The following MUSK variants were observed in gnomAD, a reference collection of about 807,000 sequenced individuals.
MUSK encodes muscle, skeletal receptor tyrosine-protein kinase.
A neutral mutation model predicts 88.7 loss-of-function variants in MUSK; 55 were observed. That is an observed-to-expected ratio of 0.62 (90% CI 0.50 to 0.78). The LOEUF (loss-of-function observed/expected upper bound fraction) is 0.78. Ranked by LOEUF, MUSK falls within the 30% of genes least tolerant of loss-of-function variation. The pLI, the probability that MUSK is intolerant of heterozygous loss-of-function variation, is 0.00. For synonymous variants in MUSK, 387 were observed against 391.9 expected, an observed-to-expected ratio of 0.99 and a Z score of 0.15; for missense variants, 1,015 against 1,074.3, an observed-to-expected ratio of 0.94 and a Z score of 0.77.
intron 3 of MUSK, among the ~76,000 whole-genome samples, chr9:110,689,870 A>ATG (rs2076288416): frequency 1.1e-5 from 1 of 88,356 alleles, no homozygotes; most frequent in Non-Finnish European, 2.0e-5. Flanking sequence ...ATATTTAAAT[A>ATG]TAAATATATA....
intron 8 of MUSK, among the ~76,000 whole-genome samples, chr9:110,766,458 T>A (rs558681398): frequency 9.9e-5 from 15 of 152,194 alleles, no homozygotes; most frequent in Non-Finnish European, 1.9e-4. Context: ...ACAGTAAAAC[T>A]CATGTTGGCT....
rs561525761 is a variant in MUSK, at chr9:110,697,431, C to T, written c.593C>T (p.Thr198Ile). 3.7e-6 allele frequency: 6 copies of T among 1,609,676 alleles called. No homozygotes were observed. The Admixed American group carries it at 6.7e-5, about 18-fold the overall frequency. ...TGTGTGGCAAAAAACAGCCTCGGGA[C>T]AGCATATTCCAAAGTGGTGAAGCTG... ...YRCVAKNSLGTAYSKVVKLEV... is the reference protein window; with the variant it reads ...YRCVAKNSLGIAYSKVVKLEV... The change falls in exon 5 of 15, where the codon ACA becomes ATA. Residue 198 changes from threonine (T) to isoleucine (I), a missense_variant. Thr to Ile is a moderately conservative substitution (Grantham distance 89). Coordinates refer to ENST00000374448, the MANE Select transcript of MUSK (RefSeq NM_005592.4).
intron 11 of MUSK, among the ~76,000 whole-genome samples, chr9:110,779,518 A>G (rs966532718): frequency 6.6e-6 from 1 of 152,138 alleles, no homozygotes; most frequent in Non-Finnish European, 1.5e-5. Context: ...ACTGACTTCC[A>G]AAATCCTCAC....
intron 11 of MUSK, among the ~76,000 whole-genome samples, chr9:110,781,879 CTCAGA>C: frequency 6.6e-6 from 1 of 152,178 alleles, no homozygotes; most frequent in Non-Finnish European, 1.5e-5. Flanking sequence ...GACACAAAGA[CTCAGA>C]TCATCATAAC....
intron 7 of MUSK, among the ~76,000 whole-genome samples, chr9:110,761,705 A>G (rs2077403671): frequency 6.7e-6 from 1 of 149,484 alleles, no homozygotes; most frequent in Admixed American, 6.8e-5. Flanking sequence ...CCTCCCACGT[A>G]GCGGGATTAC....
intron 1 of MUSK, among the ~76,000 whole-genome samples, chr9:110,677,113 C>T (rs1162901208): frequency 1.3e-5 from 2 of 152,306 alleles, no homozygotes; most frequent in South Asian, 2.1e-4. Context: ...CCTCAATTAT[C>T]TCCTGTCTTT....
intron 9 of MUSK, among the ~76,000 whole-genome samples, chr9:110,772,283 T>G (rs1195383324): frequency 2.0e-5 from 3 of 151,716 alleles, no homozygotes; most frequent in African/African-American, 7.2e-5. Flanking sequence ...ACAGATGTTC[T>G]TTCTAATCTT....
intron 5 of MUSK, among the ~76,000 whole-genome samples, chr9:110,727,975 G>A (rs1564248744): frequency 6.6e-6 from 1 of 152,044 alleles, no homozygotes; most frequent in Non-Finnish European, 1.5e-5. Context: ...TAAACATTTT[G>A]GAACAATTAA....
Position 110,802,895 on chromosome 9 carries a change from T to C in MUSK, c.*1907T>C, listed in dbSNP as rs978078547. 3.9e-5 allele frequency among the ~76,000 whole-genome samples: 6 copies of C among 152,088 alleles called. No homozygotes were observed. In the South Asian group the frequency reaches 1.2e-3, roughly 32 times the overall value. ...AAGTGCTTCAGATAAAAATCATGAG[T>C]CTAAGTCCAAAATTGATACTGTAAT... is the stretch of plus-strand genomic sequence containing the variant. On this transcript the variant is annotated 3_prime_UTR_variant, in exon 15 of 15. Transcript: ENST00000374448.
intron 5 of MUSK, among the ~76,000 whole-genome samples, chr9:110,698,825 A>G (rs1475617906): frequency 6.6e-6 from 1 of 152,170 alleles, no homozygotes; most frequent in Non-Finnish European, 1.5e-5. Context: ...AGTTGATATG[A>G]TTTATTCAGT....
At chr9:110,729,764 G>A (rs955351069) in intron 5 of MUSK, among the ~76,000 whole-genome samples, 6 of 151,890 alleles carry the variant, frequency 4.0e-5, no homozygotes, top group Non-Finnish European at 8.8e-5. Context: ...TGAAATAACT[G>A]CTCAGAAATA....
chr9:110,749,577 T>C (rs1297732155), intron 7 of MUSK, among the ~76,000 whole-genome samples: 1 of 152,208 alleles, frequency 6.6e-6, no homozygotes, highest in Non-Finnish European at 1.5e-5. Flanking sequence ...TTTAATGATT[T>C]AGAAGAAATA....
chr9:110,688,943 C>T (rs1471056146), intron 3 of MUSK, among the ~76,000 whole-genome samples: 1 of 143,294 alleles, frequency 7.0e-6, no homozygotes, highest in African/African-American at 2.5e-5. Context: ...TATATGTAAA[C>T]ATATATTTAA....
chr9:110,733,696 T>G (rs1366735281), intron 5 of MUSK, among the ~76,000 whole-genome samples: 1 of 152,096 alleles, frequency 6.6e-6, no homozygotes, highest in East Asian at 1.9e-4. Context: ...TACTATCCTG[T>G]GCTTGCTCTG....
rs1469711288 is a variant in MUSK at position 110,775,823 on chromosome 9, C to T, written c.1220C>T (p.Ala407Val). 2.2e-5 allele frequency: 35 copies of T among 1,613,704 alleles called. No individual in the cohort carries two copies. The highest frequency in any genetic ancestry group is 3.0e-5 in the Non-Finnish European group (35 of 1,179,806). Reference sequence around the variant, plus strand: ...TTGGCAGTAAAGGAGCTCTTCTGCGCAAAAGAATGGCTGGTAATGGAAGAG... The same window carrying T: ...TTGGCAGTAAAGGAGCTCTTCTGCGTAAAAGAATGGCTGGTAATGGAAGAG... ...YCLAVKELFC[A>V]KEWLVMEEKT... Residue 407 changes from alanine to valine, a missense_variant, in exon 10 of 15, where the codon GCA (alanine) becomes GTA (valine). By Grantham distance (64) the Ala-to-Val change is moderately conservative. Coordinates refer to ENST00000374448, the MANE Select transcript of MUSK (RefSeq NM_005592.4).
intron 6 of MUSK, 88 bp downstream of exon 6, chr9:110,734,463 T>C: frequency 6.5e-7 from 1 of 1,544,704 alleles, no homozygotes; most frequent in Non-Finnish European, 8.9e-7. Context: ...GTTACCCAGA[T>C]CTCTGTCATT....
intron 7 of MUSK, among the ~76,000 whole-genome samples, chr9:110,752,266 C>G (rs2077257819): frequency 6.6e-6 from 1 of 152,186 alleles, no homozygotes; most frequent in African/African-American, 2.4e-5. Context: ...GAGGAAACTA[C>G]CTCCCAACAC....
chr9:110,753,081 G>A (rs1343242127), intron 7 of MUSK, among the ~76,000 whole-genome samples: 2 of 152,122 alleles, frequency 1.3e-5, no homozygotes, highest in African/African-American at 4.8e-5. Flanking sequence ...GATACCAATA[G>A]TGAGCATAGT....
chr9:110,726,470 G>A (rs892916864), intron 5 of MUSK, among the ~76,000 whole-genome samples: 1 of 152,074 alleles, frequency 6.6e-6, no homozygotes, highest in Non-Finnish European at 1.5e-5. Context: ...ATCATGGAGT[G>A]AAACTGAAAC....
Sources: allele counts gnomAD v4.1 joint callset (sites outside exome capture counted in the v4.1 genomes callset), GRCh38; gene constraint gnomAD v4.1.1; transcripts MANE v1.5; gene names NCBI Gene and HGNC (gene_info 2026-07-23, HGNC 2026-07-21).